PARD3: variants seen among roughly 807,000 people sequenced by gnomAD.
PARD3 encodes partitioning defective 3 homolog.
Under a neutral mutation model 155.4 loss-of-function variants are expected in PARD3, and 75 were observed. The ratio of observed to expected loss-of-function variants is 0.48; its 90% CI spans 0.40 to 0.58. PARD3 has a LOEUF of 0.58. Among genes scored for constraint, PARD3 ranks in the 20% least tolerant of loss-of-function variants. PARD3 has a pLI of 0.00. For synonymous variants in PARD3, 576 were observed against 610.5 expected, an observed-to-expected ratio of 0.94 and a Z score of 0.83; for missense variants, 1,642 against 1,721.7, an observed-to-expected ratio of 0.95 and a Z score of 0.82.
chr10:34,185,619 T>G (rs1950451499), intron 22 of PARD3, among the ~76,000 whole-genome samples: 1 of 151,976 alleles, frequency 6.6e-6, no homozygotes, highest in African/African-American at 2.4e-5. Context: ...CATTTATCTT[T>G]AAGATATTTT....
intron 1 of PARD3, among the ~76,000 whole-genome samples, chr10:34,781,836 G>A (rs933544887): frequency 6.6e-6 from 1 of 152,174 alleles, no homozygotes; most frequent in African/African-American, 2.4e-5. Context: ...AGAACACTGT[G>A]CTCTATCGGA....
At chr10:34,583,975 G>C (rs548601451) in intron 2 of PARD3, among the ~76,000 whole-genome samples, 1 of 151,932 alleles carries the variant, frequency 6.6e-6, no homozygotes, top group East Asian at 1.9e-4. Flanking sequence ...TATTTTATTA[G>C]AGCCTTTGGT....
At chr10:34,384,793 T>C (rs1023804130) in intron 7 of PARD3, among the ~76,000 whole-genome samples, 2 of 152,216 alleles carry the variant, frequency 1.3e-5, no homozygotes, top group Admixed American at 6.5e-5. Flanking sequence ...TGATAGTGCT[T>C]AGTATTGTGA....
chr10:34,382,353 T>C (rs369765178), intron 9 of PARD3, among the ~76,000 whole-genome samples, 187 bp downstream of exon 9: 2 of 152,202 alleles, frequency 1.3e-5, no homozygotes, highest in African/African-American at 2.4e-5. Flanking sequence ...ATATAAGAAA[T>C]ACAATTTGAA....
At chr10:34,394,988 TA>T (rs1267955828) in intron 7 of PARD3, among the ~76,000 whole-genome samples, 1 of 152,020 alleles carries the variant, frequency 6.6e-6, no homozygotes, top group East Asian at 1.9e-4. Context: ...TTATTTGGCA[TA>T]ACCTTCCTGA....
chr10:34,391,018 G>T (rs1449530220), intron 7 of PARD3, among the ~76,000 whole-genome samples: 1 of 152,146 alleles, frequency 6.6e-6, no homozygotes, highest in Non-Finnish European at 1.5e-5. Context: ...GAGTGGCAGG[G>T]CTCAAGTCAT....
chr10:34,773,848 C>T (rs746888614), intron 1 of PARD3, among the ~76,000 whole-genome samples: 1 of 152,110 alleles, frequency 6.6e-6, no homozygotes, highest in Non-Finnish European at 1.5e-5. Flanking sequence ...AATTGTTTTG[C>T]ATTTTCAATT....
intron 22 of PARD3, among the ~76,000 whole-genome samples, chr10:34,257,452 A>G (rs1184657359): frequency 6.6e-6 from 1 of 152,244 alleles, no homozygotes; most frequent in Non-Finnish European, 1.5e-5. Flanking sequence ...CAAATTGCAC[A>G]TGAAGCAGGA....
intron 3 of PARD3, among the ~76,000 whole-genome samples, chr10:34,505,765 T>G (rs2081021679): frequency 6.6e-6 from 1 of 152,252 alleles, no homozygotes; most frequent in Admixed American, 6.5e-5. Flanking sequence ...GTAATGATTT[T>G]TAATTTCAGG....
At position 34,720,653 on chromosome 10, in the gene PARD3, C is replaced by T. The variant is rs146535759; in HGVS notation, c.121-24234G>A. Among the ~76,000 whole-genome samples, 837 of 151,874 alleles carry T rather than the reference C, an allele frequency of 5.5e-3. 8 individuals carry two copies. Among genetic ancestry groups the T allele is most frequent in the African/African-American group, 0.019 (792 of 41,374 alleles). The stretch of plus-strand genomic sequence containing the variant: ...TCTCTACTAAAAATACAAAATTAGC[C>T]GGGCGTGGTAGCACATGCCTGTAAT... On this transcript the variant is annotated intron_variant, in intron 1 of 24. Transcript: ENST00000374788.
In PARD3 at chr10:34,625,855, G is replaced by T. The variant is rs79185804; in HGVS notation, c.222+70463C>A. ...GAACTGGGGAAGCGGAGATTGAGGT[G>T]AGCCGAGATCACACCATTGCACTCC... On this transcript the variant is annotated intron_variant, in intron 2 of 24. Coordinates refer to ENST00000374788, the MANE Select transcript of PARD3 (RefSeq NM_001184785.2). Among the ~76,000 whole-genome samples, 651 of 150,308 alleles carry T rather than the reference G, an allele frequency of 4.3e-3. 6 individuals are homozygous for T. The highest frequency in any genetic ancestry group is 0.015 in the African/African-American group (619 of 40,866).
intron 12 of PARD3, among the ~76,000 whole-genome samples, chr10:34,361,367 A>G (rs544739063): frequency 1.3e-5 from 2 of 152,370 alleles, no homozygotes; most frequent in South Asian, 4.1e-4. Flanking sequence ...TTATCAAATT[A>G]TAATTGAAGA....
At chr10:34,186,309 A>G (rs1765157) in intron 22 of PARD3, among the ~76,000 whole-genome samples, 35,172 of 149,590 alleles carry the variant, frequency 0.24, 4,293 homozygotes, top group Middle Eastern at 0.35. Flanking sequence ...GTAGCGGGCT[A>G]TGATTGCACC....
At chr10:34,228,206 C>G (rs900703816) in intron 22 of PARD3, among the ~76,000 whole-genome samples, 1 of 151,826 alleles carries the variant, frequency 6.6e-6, no homozygotes, top group Non-Finnish European at 1.5e-5. Flanking sequence ...GGGAGCTAAA[C>G]ATTGAGTACA....
intron 2 of PARD3, among the ~76,000 whole-genome samples, chr10:34,679,811 G>A (rs1053653622): frequency 4.6e-5 from 7 of 152,268 alleles, no homozygotes; most frequent in Middle Eastern, 3.4e-3. Context: ...GGATGGAACT[G>A]GAGGCCATTA....
chr10:34,445,787 TAA>T (rs74758211), intron 5 of PARD3, among the ~76,000 whole-genome samples: 2 of 144,500 alleles, frequency 1.4e-5, no homozygotes, highest in African/African-American at 5.0e-5. Flanking sequence ...TTGCAGTATT[TAA>T]AAAAAAAAAA....
At chr10:34,694,163 AAAG>A (rs1466286462) in intron 2 of PARD3, among the ~76,000 whole-genome samples, 228 of 82,816 alleles carry the variant, frequency 2.8e-3, no homozygotes, top group Admixed American at 4.6e-3. Flanking sequence ...AGAAAAAAAA[AAAG>A]AAACAAAAAA....
intron 2 of PARD3, among the ~76,000 whole-genome samples, chr10:34,639,303 G>T (rs2092589276): frequency 6.6e-6 from 1 of 151,970 alleles, no homozygotes; most frequent in Non-Finnish European, 1.5e-5. Context: ...GGCTGAGGTA[G>T]GAGAATCCCT....
chr10:34,533,085 A>G (rs961166352), intron 2 of PARD3, among the ~76,000 whole-genome samples: 8 of 152,264 alleles, frequency 5.3e-5, no homozygotes, highest in Non-Finnish European at 8.8e-5. Flanking sequence ...CTAACCAAAG[A>G]AAAAGTACAA....
Sources: gnomAD v4.1 joint callset for allele counts (sites outside exome capture counted in the v4.1 genomes callset) on GRCh38, gnomAD v4.1.1 for gene constraint, MANE v1.5 for transcripts, NCBI Gene and HGNC (gene_info 2026-07-23, HGNC 2026-07-21) for gene names.